The following DLC1 variants were observed in gnomAD, a reference collection of about 807,000 sequenced individuals.
DLC1 encodes DLC1 Rho GTPase activating protein, also known as rho GTPase-activating protein 7.
A neutral mutation model predicts 140.3 loss-of-function variants in DLC1; 54 were observed. That is an observed-to-expected ratio of 0.38 (90% CI 0.31 to 0.48). DLC1 has a LOEUF of 0.48. Among genes scored for constraint, DLC1 ranks in the 20% least tolerant of loss-of-function variants. The probability of loss-of-function intolerance (pLI) is 0.96; values close to 1 mark genes in which losing one functional copy is unlikely to be tolerated. For synonymous variants in DLC1, 986 were observed against 728.1 expected (o/e 1.35, Z -5.70); for missense variants, 2,536 against 1,907.0 (o/e 1.33, Z -6.14).
intron 2 of DLC1, among the ~76,000 whole-genome samples, chr8:13,422,272 T>G (rs570954401): frequency 1.3e-4 from 20 of 152,272 alleles, no homozygotes; most frequent in Non-Finnish European, 2.9e-5. Context: ...AATACAGTAT[T>G]ACTGTTCTCA....
At chr8:13,351,111 T>C (rs2117030372) in intron 4 of DLC1, among the ~76,000 whole-genome samples, 1 of 152,308 alleles carries the variant, frequency 6.6e-6, no homozygotes, top group South Asian at 2.1e-4. Context: ...GGTTTGTAAA[T>C]TGGCTTCAAA....
Position 13,095,235 on chromosome 8 carries a change from T to C in DLC1, c.3178A>G (p.Lys1060Glu). Residue 1060 changes from lysine (K) to glutamate (E), a missense_variant, in exon 11 of 18, where the codon AAG becomes GAG. By Grantham distance (56) the Lys-to-Glu change is moderately conservative. Coordinates refer to ENST00000276297, the MANE Select transcript of DLC1 (RefSeq NM_182643.3). ...GGAACCTTGATCCTCTTCATGAACT[T>C]GGGCACGGCCCTGTTAAAGAACACA... The part of the protein sequence containing the change: ...NKHGFSWAVP[K>E]FMKRIKVPDY... 1 of 1,614,256 alleles carries C rather than the reference T, an allele frequency of 6.2e-7. No individual in the cohort carries two copies. The highest frequency in any genetic ancestry group is 8.5e-7 in the Non-Finnish European group (1 of 1,180,054).
chr8:13,218,353 C>A (rs187855816), intron 5 of DLC1, among the ~76,000 whole-genome samples: 3 of 152,002 alleles, frequency 2.0e-5, no homozygotes, highest in Non-Finnish European at 2.9e-5. Flanking sequence ...AGATATGACA[C>A]CAAAAGCATG....
chr8:13,149,741 C>G lies in DLC1; in HGVS notation c.1349-34084G>C, dbSNP rs543407147. ...GGAGCAGTTGGAAGAACATCTGTAC[C>G]TAAGAAAGAATGAGCTATAAACAAA... On this transcript the variant is annotated intron_variant, in intron 5 of 17. Coordinates refer to ENST00000276297, the MANE Select transcript of DLC1 (RefSeq NM_182643.3). Among the ~76,000 whole-genome samples, 343 of 152,270 alleles carry G rather than the reference C, an allele frequency of 2.3e-3. 5 individuals are homozygous for G. Among genetic ancestry groups the G allele is most frequent in the African/African-American group, 7.7e-3 (321 of 41,548 alleles).
intron 5 of DLC1, among the ~76,000 whole-genome samples, chr8:13,186,188 T>G (rs1279101753): frequency 1.3e-5 from 2 of 152,206 alleles, no homozygotes; most frequent in Non-Finnish European, 2.9e-5. Flanking sequence ...AAATTGAATG[T>G]TGGCCTGCCT....
rs745942672 is a variant in DLC1 at position 13,579,836 on chromosome 8, G to A, written c.-126+24701C>T. ...TGCATAGCACATTGTGAGTGCTCCA[G>A]GTGAGTACCCAGTGTGCCCATATAT... On this transcript the variant is annotated intron_variant, in intron 1 of 1. Transcript: ENST00000631382. Among the ~76,000 whole-genome samples the A allele has an allele frequency of 2.6e-5, 4 of 151,710 alleles. No homozygotes were observed. In the Admixed American group the frequency reaches 2.6e-4, roughly 10 times the overall value.
chr8:13,285,645 C>G (rs934771366), intron 5 of DLC1, among the ~76,000 whole-genome samples: 1 of 152,066 alleles, frequency 6.6e-6, no homozygotes, highest in African/African-American at 2.4e-5. Flanking sequence ...AAAGACTGAC[C>G]ATACTAAGTG....
At chr8:13,543,891 C>G (rs1434178912) in intron 1 of DLC1, among the ~76,000 whole-genome samples, 1 of 151,854 alleles carries the variant, frequency 6.6e-6, no homozygotes, top group Non-Finnish European at 1.5e-5. Flanking sequence ...ATATTGGGTA[C>G]AATGTACACT....
intron 5 of DLC1, among the ~76,000 whole-genome samples, chr8:13,298,678 G>A (rs1832059070): frequency 6.6e-6 from 1 of 152,132 alleles, no homozygotes; most frequent in South Asian, 2.1e-4. Flanking sequence ...TGGGAAATAA[G>A]TCATTAAAGA....
At position 13,100,467 on chromosome 8, in the gene DLC1, C is replaced by G. The variant is rs760347660; in HGVS notation, c.1870G>C (p.Val624Leu). Residue 624 changes from valine to leucine, a missense_variant, in exon 9 of 18, where the codon GTT becomes CTT. Coordinates refer to ENST00000276297, the MANE Select transcript of DLC1 (RefSeq NM_182643.3). ...CCTGCCAAGTTGCTGGAGGAGCAAA[C>G]GCTGATGACGGAGTTAGTCCGGGGG... Reference protein sequence around the residue: ...ATPRTNSVISVCSSSNLAGND... With the variant: ...ATPRTNSVISLCSSSNLAGND... 1.9e-6 allele frequency: 3 copies of G among 1,613,410 alleles called. No individual in the cohort carries two copies. The highest frequency in any genetic ancestry group is 1.1e-5 in the South Asian group (1 of 91,080).
intron 4 of DLC1, among the ~76,000 whole-genome samples, chr8:13,377,127 G>A (rs951022155): frequency 2.6e-5 from 4 of 152,170 alleles, no homozygotes; most frequent in African/African-American, 9.7e-5. Flanking sequence ...TCTAGGGCTT[G>A]GCTAAAGGTA....
At chr8:13,119,355 A>G (rs554866173) in intron 5 of DLC1, among the ~76,000 whole-genome samples, 4 of 152,198 alleles carry the variant, frequency 2.6e-5, no homozygotes, top group Non-Finnish European at 5.9e-5. Context: ...TTTGGTGCTC[A>G]TCTCCACACA....
intron 4 of DLC1, chr8:13,339,705 A>G (rs1434350407): frequency 6.6e-6 from 1 of 152,218 alleles, no homozygotes. Flanking sequence ...TTTTGTTAAG[A>G]AAATAATCCC....
chr8:13,534,682 T>A (rs1803210782), intron 1 of DLC1, among the ~76,000 whole-genome samples: 1 of 152,236 alleles, frequency 6.6e-6, no homozygotes. Context: ...GCTGTTTGCC[T>A]GTCATTCGCG....
intron 1 of DLC1, among the ~76,000 whole-genome samples, chr8:13,562,130 A>G (rs747237861): frequency 6.6e-6 from 1 of 152,142 alleles, no homozygotes; most frequent in Non-Finnish European, 1.5e-5. Flanking sequence ...CTGTACACTA[A>G]AAGAAGTAAT....
Position 13,453,455 on chromosome 8 carries a change from TATATGTATATATATAC to T in DLC1, c.1023+45578_1023+45593del, listed in dbSNP as rs1799219756. 2.6e-4 allele frequency among the ~76,000 whole-genome samples: 10 copies of T among 37,934 alleles called. 1 individual carries two copies. Among genetic ancestry groups the T allele is most frequent in the African/African-American group, 3.8e-4 (3 of 7,960 alleles). The allele number at this position is 37,934 out of a possible 152,430, so 24.9% of individuals were successfully genotyped here. ...ATATATATGTATATATATACATATA[TATATGTATATATATAC>T]ATATATATGTATATATATACATATA... On this transcript the variant is annotated intron_variant, in intron 2 of 17. Coordinates refer to ENST00000276297, the MANE Select transcript of DLC1 (RefSeq NM_182643.3).
chr8:13,104,580 T>G (rs1486677321), intron 7 of DLC1, among the ~76,000 whole-genome samples: 1 of 152,200 alleles, frequency 6.6e-6, no homozygotes, highest in Non-Finnish European at 1.5e-5. Context: ...TCCTACGAAT[T>G]GCAATTCTAC....
chr8:13,602,449 G>A (rs537912530), intron 1 of DLC1, among the ~76,000 whole-genome samples: 1 of 151,770 alleles, frequency 6.6e-6, no homozygotes, highest in Admixed American at 6.6e-5. Context: ...TTAAAGAAGA[G>A]AGCTTACCTT....
intron 1 of DLC1, among the ~76,000 whole-genome samples, chr8:13,582,009 G>A (rs540830426): frequency 2.6e-5 from 4 of 152,212 alleles, no homozygotes; most frequent in South Asian, 2.1e-4. Flanking sequence ...GGATGGATAC[G>A]CAAAGTTCTA....
Sources: allele counts gnomAD v4.1 joint callset (sites outside exome capture counted in the v4.1 genomes callset), GRCh38; gene constraint gnomAD v4.1.1; transcripts MANE v1.5; gene names NCBI Gene and HGNC (gene_info 2026-07-23, HGNC 2026-07-21).